The following CSMD3 variants were observed in gnomAD, a reference collection of about 807,000 sequenced individuals.
The protein encoded by CSMD3 is CUB and Sushi multiple domains 3.
CSMD3 carries 177 observed loss-of-function variants against 435.2 expected under a neutral mutation model. The ratio of observed to expected loss-of-function variants is 0.41; its 90% CI spans 0.36 to 0.46. The LOEUF is 0.46. CSMD3 is among the 20% of genes least tolerant of loss of function. The probability of loss-of-function intolerance (pLI) is 0.34; values close to 1 mark genes in which losing one functional copy is unlikely to be tolerated. For missense variants in CSMD3, 4,265 were observed against 4,504.6 expected (o/e 0.95, Z 1.52); for synonymous variants, 1,656 against 1,520.5 (o/e 1.09, Z -2.07).
chr8:112,927,290 A>C (rs2082942094), intron 9 of CSMD3, among the ~76,000 whole-genome samples: 1 of 152,102 alleles, frequency 6.6e-6, no homozygotes, highest in South Asian at 2.1e-4. Flanking sequence ...TAAGCTCTAC[A>C]CTGTTAAAGG....
At position 112,282,917 on chromosome 8, in the gene CSMD3, A is replaced by G. The variant is rs552110822; in HGVS notation, c.9332-1567T>C. ...GTCAACCAAACCATCTCTTCTCACAAGAGTCATTTCCCAGCAGTCAACAGA... is the reference window on the plus strand; with the variant it reads ...GTCAACCAAACCATCTCTTCTCACAGGAGTCATTTCCCAGCAGTCAACAGA... On this transcript the variant is annotated intron_variant, in intron 58 of 70. Coordinates refer to ENST00000297405, the MANE Select transcript of CSMD3 (RefSeq NM_198123.2). Among the ~76,000 whole-genome samples the G allele has an allele frequency of 3.9e-5, 6 of 152,204 alleles. No individual in the cohort carries two copies. In the South Asian group the frequency reaches 1.0e-3, roughly 26 times the overall value.
chr8:112,401,062 A>C (rs1444276177), intron 35 of CSMD3, among the ~76,000 whole-genome samples: 1 of 152,088 alleles, frequency 6.6e-6, no homozygotes, highest in Non-Finnish European at 1.5e-5. Flanking sequence ...CAAAAAAATT[A>C]GCCAGGCATG....
intron 13 of CSMD3, among the ~76,000 whole-genome samples, chr8:112,751,295 C>A (rs1289611736): frequency 1.3e-5 from 2 of 152,036 alleles, no homozygotes; most frequent in Non-Finnish European, 2.9e-5. Context: ...TGACATCCTA[C>A]AACCTAAAGA....
chr8:112,379,047 C>T (rs1444997564), intron 38 of CSMD3, among the ~76,000 whole-genome samples: 1 of 151,908 alleles, frequency 6.6e-6, no homozygotes, highest in African/African-American at 2.4e-5. Context: ...GTTGTAATTT[C>T]TATATACTAA....
At chr8:112,484,774 T>C (rs1010769074) in intron 31 of CSMD3, among the ~76,000 whole-genome samples, 4 of 152,122 alleles carry the variant, frequency 2.6e-5, no homozygotes, top group Non-Finnish European at 5.9e-5. Flanking sequence ...ACCAACATGA[T>C]ATTCAAAGTT....
intron 13 of CSMD3, among the ~76,000 whole-genome samples, chr8:112,760,972 ATCG>A (rs1452059462): frequency 6.6e-6 from 1 of 152,170 alleles, no homozygotes; most frequent in Non-Finnish European, 1.5e-5. Context: ...AGCTTCAAGA[ATCG>A]TGCCCTCCGA....
At chr8:112,599,088 C>T (rs1170277360) in intron 22 of CSMD3, among the ~76,000 whole-genome samples, 5 of 146,640 alleles carry the variant, frequency 3.4e-5, no homozygotes, top group Admixed American at 6.8e-5. Context: ...AGGCAACCTA[C>T]AACATGGGAG....
At chr8:112,244,639 G>A (rs1814525334) in intron 64 of CSMD3, 66 bp from the exon 65 acceptor site, 3 of 1,244,372 alleles carry the variant, frequency 2.4e-6, no homozygotes, top group South Asian at 2.4e-5. Context: ...TGAGACAGGA[G>A]TCACAATATA....
intron 1 of CSMD3, among the ~76,000 whole-genome samples, chr8:113,388,922 G>A (rs2094450197): frequency 6.6e-6 from 1 of 151,560 alleles, no homozygotes; most frequent in African/African-American, 2.4e-5. Context: ...TAAAACATGA[G>A]TGTAAGAGCG....
At chr8:113,378,909 G>T (rs2094402451) in intron 1 of CSMD3, among the ~76,000 whole-genome samples, 1 of 152,104 alleles carries the variant, frequency 6.6e-6, no homozygotes, top group African/African-American at 2.4e-5. Flanking sequence ...GAAATTGAAA[G>T]AAGTGCAATG....
At chr8:113,129,328 A>T (rs2091224847) in intron 4 of CSMD3, among the ~76,000 whole-genome samples, 1 of 152,134 alleles carries the variant, frequency 6.6e-6, no homozygotes, top group Non-Finnish European at 1.5e-5. Flanking sequence ...TATAATACGT[A>T]GAGATGATAG....
At chr8:113,200,773 T>C (rs985092675) in intron 3 of CSMD3, among the ~76,000 whole-genome samples, 5 of 151,482 alleles carry the variant, frequency 3.3e-5, no homozygotes, top group African/African-American at 1.2e-4. Flanking sequence ...CAGCCTTTTA[T>C]TTTTTAATCT....
chr8:112,951,772 A>T (rs934664420), intron 8 of CSMD3, among the ~76,000 whole-genome samples: 3 of 151,744 alleles, frequency 2.0e-5, no homozygotes, highest in Admixed American at 2.0e-4. Flanking sequence ...AAAAGTATGG[A>T]TTTGAAGAAT....
intron 3 of CSMD3, among the ~76,000 whole-genome samples, chr8:113,239,211 AC>A (rs2093184280): frequency 6.6e-6 from 1 of 152,110 alleles, no homozygotes; most frequent in African/African-American, 2.4e-5. Context: ...TTGGAAGTGC[AC>A]CACCAGGTCT....
chr8:113,322,179 G>A (rs2132712437), intron 1 of CSMD3, among the ~76,000 whole-genome samples: 1 of 152,120 alleles, frequency 6.6e-6, no homozygotes, highest in South Asian at 2.1e-4. Flanking sequence ...ACTCATCAAA[G>A]TAACCATTAT....
chr8:112,435,810 TC>T (rs748786534), intron 32 of CSMD3, among the ~76,000 whole-genome samples: 40 of 151,940 alleles, frequency 2.6e-4, no homozygotes, highest in Non-Finnish European at 3.4e-4. Context: ...TGTGCATTTT[TC>T]CTCTCTGTAT....
chr8:112,751,862 G>T (rs1176645212), intron 13 of CSMD3, among the ~76,000 whole-genome samples: 1 of 151,844 alleles, frequency 6.6e-6, no homozygotes, highest in Non-Finnish European at 1.5e-5. Context: ...AGGATATGCA[G>T]GTTTGTTACA....
intron 27 of CSMD3, among the ~76,000 whole-genome samples, chr8:112,523,282 G>A (rs1223698926): frequency 6.6e-6 from 1 of 151,704 alleles, no homozygotes; most frequent in Non-Finnish European, 1.5e-5. Context: ...CTGTAAAACT[G>A]GCCTAGGAAT....
At chr8:113,323,388 C>A (rs1421115453) in intron 1 of CSMD3, among the ~76,000 whole-genome samples, 1 of 152,094 alleles carries the variant, frequency 6.6e-6, no homozygotes, top group Non-Finnish European at 1.5e-5. Flanking sequence ...TTACTAGTGG[C>A]CAACAAAATT....
Sources: gnomAD v4.1 joint callset for allele counts (sites outside exome capture counted in the v4.1 genomes callset) on GRCh38, gnomAD v4.1.1 for gene constraint, MANE v1.5 for transcripts, NCBI Gene and HGNC (gene_info 2026-07-23, HGNC 2026-07-21) for gene names.